CAPZA2: variants seen among roughly 807,000 people sequenced by gnomAD.
The protein encoded by CAPZA2 is capping actin protein of muscle Z-line subunit alpha 2, also known as F-actin-capping protein subunit alpha-2.
Under a neutral mutation model 44.0 loss-of-function variants are expected in CAPZA2, and 13 were observed. The ratio of observed to expected loss-of-function variants is 0.30; its 90% CI spans 0.19 to 0.47. The LOEUF (loss-of-function observed/expected upper bound fraction) is 0.47, where lower values mean the gene tolerates loss of function less well. Among genes scored for constraint, CAPZA2 ranks in the 20% least tolerant of loss-of-function variants. The probability of loss-of-function intolerance (pLI) is 1.00; values close to 1 mark genes in which losing one functional copy is unlikely to be tolerated. For synonymous variants in CAPZA2, 94 were observed against 108.2 expected (o/e 0.87, Z 0.81); for missense variants, 244 against 338.6 (o/e 0.72, Z 2.19).
intron 4 of CAPZA2, 101 bp downstream of exon 4, chr7:116,898,936 A>G: frequency 1.6e-6 from 1 of 638,194 alleles, no homozygotes; most frequent in Middle Eastern, 3.1e-4. Context: ...AATTATTCAT[A>G]TTTTAATCAT....
At chr7:116,898,669 G>A (rs1276345162) in intron 3 of CAPZA2, 103 bp from the exon 4 acceptor site, 2 of 631,788 alleles carry the variant, frequency 3.2e-6, no homozygotes, top group South Asian at 2.1e-5. Context: ...TTTGCAGTGT[G>A]CAATGTAGGA....
chr7:116,868,410 G>A (rs1259220127), intron 1 of CAPZA2, among the ~76,000 whole-genome samples: 1 of 152,152 alleles, frequency 6.6e-6, no homozygotes. Context: ...AGCTGCCATT[G>A]TATTTCATAA....
At chr7:116,879,124 C>CAAAAAAAAAAAAAAAA (rs71148337) in intron 1 of CAPZA2, among the ~76,000 whole-genome samples, 1 of 45,302 alleles carries the variant, frequency 2.2e-5, no homozygotes, top group Non-Finnish European at 4.4e-5. Context: ...AACTCTGTCT[C>CAAAAAAAAAAAAAAAA]AAAAAAAAAA....
chr7:116,916,122 G>T lies in CAPZA2; in HGVS notation c.720G>T (p.Gln240His). ...KIVEAAENEY[Q>H]TAISENYQTM... ...TAGAAGCTGCAGAAAATGAATACCA[G>T]GTATGATTTTTTAAATATTATATAA... The change falls in exon 9 of 10, where the codon CAG becomes CAT. Residue 240 changes from glutamine (Q) to histidine (H), a missense_variant and splice_region_variant. Transcript: ENST00000361183. 6.5e-7 allele frequency: 1 copy of T among 1,528,354 alleles called. No individual in the cohort carries two copies. Among genetic ancestry groups the T allele is most frequent in the Non-Finnish European group, 8.7e-7 (1 of 1,144,088 alleles). The allele number at this position is 1,528,354 out of a possible 1,614,324, so 94.7% of individuals were successfully genotyped here.
rs1316013714 is a variant in CAPZA2, at chr7:116,919,119, A to G, written c.*1252A>G. 1.3e-5 allele frequency: 2 copies of G among 151,548 alleles called. No individual in the cohort carries two copies. Among genetic ancestry groups the G allele is most frequent in the Admixed American group, 1.3e-4 (2 of 15,144 alleles). The allele number at this position is 151,548 out of a possible 1,614,324, so 9.4% of individuals were successfully genotyped here. On this transcript the variant is annotated 3_prime_UTR_variant, in exon 10 of 10. Transcript: ENST00000361183. ...TTGTTTTTTTTTTTAGAAAAACACC[A>G]CTTTTATTATGTACAATAAAATATT...
chr7:116,905,104 A>C (rs934324310), intron 5 of CAPZA2, among the ~76,000 whole-genome samples: 1 of 148,918 alleles, frequency 6.7e-6, no homozygotes, highest in Non-Finnish European at 1.5e-5. Flanking sequence ...GCGCCACTCC[A>C]CTCCAGCCCA....
At chr7:116,892,654 A>C (rs1796863316) in intron 2 of CAPZA2, among the ~76,000 whole-genome samples, 1 of 151,674 alleles carries the variant, frequency 6.6e-6, no homozygotes, top group Non-Finnish European at 1.5e-5. Context: ...AAAAAAAAAA[A>C]CTCACGATGT....
chr7:116,912,182 T>C (rs764268964), intron 8 of CAPZA2, 42 bp downstream of exon 8: 21 of 1,603,424 alleles, frequency 1.3e-5, no homozygotes, highest in Non-Finnish European at 1.8e-5. Flanking sequence ...CTAATACTTC[T>C]GTAAAACCAG....
At chr7:116,886,351 C>T (rs995123508) in intron 1 of CAPZA2, among the ~76,000 whole-genome samples, 2 of 152,080 alleles carry the variant, frequency 1.3e-5, no homozygotes, top group Non-Finnish European at 2.9e-5. Flanking sequence ...GTTTTCTAAC[C>T]TTTTGAAGGC....
At chr7:116,913,807 G>T (rs1390681967) in intron 8 of CAPZA2, among the ~76,000 whole-genome samples, 3 of 131,714 alleles carry the variant, frequency 2.3e-5, no homozygotes, top group Admixed American at 8.2e-5. Context: ...TAGAGATGGG[G>T]TTTCACCATG....
chr7:116,917,582 T>G lies in CAPZA2; in HGVS notation c.721-145T>G. ...CTTCTAGCTGCTGTTAAACAGCTTT[T>G]AAAACAATGTTGGGATTTTATTTGA... On this transcript the variant is annotated intron_variant, in intron 9 of 9. Transcript: ENST00000361183. 4 of 667,292 alleles carry G rather than the reference T, an allele frequency of 6.0e-6. No homozygotes were observed. The South Asian group carries it at 7.1e-5, about 12-fold the overall frequency. 41.3% of individuals were successfully genotyped at this position (667,292 alleles called of 1,614,324 possible). A position where few individuals can be genotyped will look rare whatever the true frequency, so the allele number is the denominator to read the frequency against.
At chr7:116,916,340 G>A (rs937393106) in intron 9 of CAPZA2, among the ~76,000 whole-genome samples, 1 of 152,148 alleles carries the variant, frequency 6.6e-6, no homozygotes. Context: ...AAAATACTAA[G>A]ACTAGGCCGA....
rs1254743034 is a variant in CAPZA2, at chr7:116,918,630, T to A, written c.*763T>A. 6.6e-6 allele frequency: 1 copy of A among 152,590 alleles called. No individual in the cohort carries two copies. Among genetic ancestry groups the A allele is most frequent in the Non-Finnish European group, 1.5e-5 (1 of 68,034 alleles). The allele number at this position is 152,590 out of a possible 1,614,324, so 9.5% of individuals were successfully genotyped here. A position where few individuals can be genotyped will look rare whatever the true frequency, so the allele number is the denominator to read the frequency against. ...TGTATTATAACAAGGCAAATTGTAATATATATAATCCTGAACTCATGACCA... is the reference window on the plus strand; with the variant it reads ...TGTATTATAACAAGGCAAATTGTAAAATATATAATCCTGAACTCATGACCA... On this transcript the variant is annotated 3_prime_UTR_variant, in exon 10 of 10. Coordinates refer to ENST00000361183, the MANE Select transcript of CAPZA2 (RefSeq NM_006136.3).
At chr7:116,900,310 A>G (rs2115949624) in intron 4 of CAPZA2, among the ~76,000 whole-genome samples, 1 of 151,986 alleles carries the variant, frequency 6.6e-6, no homozygotes, top group African/African-American at 2.4e-5. Flanking sequence ...AGACAAAAAC[A>G]TGAGAACTTG....
chr7:116,893,223 C>T (rs1459474574), intron 3 of CAPZA2, among the ~76,000 whole-genome samples, 178 bp downstream of exon 3: 3 of 152,042 alleles, frequency 2.0e-5, no homozygotes, highest in African/African-American at 4.8e-5. Context: ...CTCTGCCTCC[C>T]GGGTACAAGC....
At chr7:116,893,278 G>A (rs759934594) in intron 3 of CAPZA2, among the ~76,000 whole-genome samples, 7 of 151,966 alleles carry the variant, frequency 4.6e-5, no homozygotes, top group East Asian at 1.9e-4. Context: ...CTACAGGCGC[G>A]CACCACCACG....
intron 1 of CAPZA2, among the ~76,000 whole-genome samples, chr7:116,885,043 G>A (rs896112872): frequency 6.6e-6 from 1 of 152,036 alleles, no homozygotes; most frequent in Non-Finnish European, 1.5e-5. Context: ...TATACTCTTT[G>A]GCGGCGAAGT....
At chr7:116,900,593 G>C (rs1796982673) in intron 4 of CAPZA2, among the ~76,000 whole-genome samples, 1 of 151,764 alleles carries the variant, frequency 6.6e-6, no homozygotes, top group Non-Finnish European at 1.5e-5. Flanking sequence ...TTAGGAATAA[G>C]CTTCATCAAA....
At chr7:116,874,709 A>C (rs926987353) in intron 1 of CAPZA2, 1 of 152,276 alleles carries the variant, frequency 6.6e-6, no homozygotes, top group Non-Finnish European at 1.5e-5. Context: ...GGGTTTATCA[A>C]AGTGAACTGT....
Sources: allele counts gnomAD v4.1 joint callset (sites outside exome capture counted in the v4.1 genomes callset), GRCh38; gene constraint gnomAD v4.1.1; transcripts MANE v1.5; gene names NCBI Gene and HGNC (gene_info 2026-07-23, HGNC 2026-07-21).